The following CHN1 variants were observed in gnomAD, a reference collection of about 807,000 sequenced individuals.
The protein encoded by CHN1 is chimerin 1.
CHN1 carries 37 observed loss-of-function variants against 59.5 expected under a neutral mutation model. The observed-to-expected ratio is 0.62, with a 90% CI of 0.48 to 0.82. The LOEUF (loss-of-function observed/expected upper bound fraction) is 0.82, where lower values mean the gene tolerates loss of function less well. Among genes scored for constraint, CHN1 ranks in the 40% least tolerant of loss-of-function variants. The pLI is 0.00. For synonymous variants in CHN1, 206 were observed against 200.4 expected (o/e 1.03, Z -0.24); for missense variants, 469 against 571.0 (o/e 0.82, Z 1.82).
At chr2:174,866,242 C>T (rs1687212096) in intron 6 of CHN1, among the ~76,000 whole-genome samples, 1 of 152,114 alleles carries the variant, frequency 6.6e-6, no homozygotes, top group African/African-American at 2.4e-5. Context: ...TATGACCAAA[C>T]ACTTAGCATA....
intron 6 of CHN1, among the ~76,000 whole-genome samples, chr2:174,871,711 T>C (rs1202160458): frequency 6.6e-6 from 1 of 152,192 alleles, no homozygotes; most frequent in African/African-American, 2.4e-5. Context: ...TGTGATAATA[T>C]ACAGATGATA....
intron 1 of CHN1, among the ~76,000 whole-genome samples, chr2:174,970,280 C>T (rs751812516): frequency 2.0e-5 from 3 of 152,192 alleles, no homozygotes; most frequent in South Asian, 2.1e-4. Context: ...GTGAGCTGAA[C>T]TAGCTCCATT....
intron 5 of CHN1, among the ~76,000 whole-genome samples, chr2:174,887,796 T>C (rs1435531034): frequency 1.3e-5 from 2 of 152,210 alleles, no homozygotes; most frequent in African/African-American, 4.8e-5. Flanking sequence ...AATAGATTTC[T>C]GCAGTTTCCT....
chr2:174,851,609 A>G (rs1686732330), intron 6 of CHN1, among the ~76,000 whole-genome samples: 1 of 152,184 alleles, frequency 6.6e-6, no homozygotes. Context: ...ACAGATATCA[A>G]TTCTGTAGGT....
rs3771913 is a variant in CHN1, at chr2:174,911,804, C to G, written c.260+3254G>C. Among the ~76,000 whole-genome samples, 4 of 151,824 alleles carry G rather than the reference C, an allele frequency of 2.6e-5. 1 individual carries two copies. Among genetic ancestry groups the G allele is most frequent in the Admixed American group, 6.6e-5 (1 of 15,250 alleles). Reference sequence around the variant, plus strand: ...GAGAGATGCCAATGCATGAGGGAGGCGTGTTCTTTGAAACTCTGTGCCCTA... The same window carrying G: ...GAGAGATGCCAATGCATGAGGGAGGGGTGTTCTTTGAAACTCTGTGCCCTA... On this transcript the variant is annotated intron_variant, in intron 5 of 12. Coordinates refer to ENST00000409900, the MANE Select transcript of CHN1 (RefSeq NM_001822.7).
At chr2:174,843,163 GA>G (rs1364954821) in intron 7 of CHN1, among the ~76,000 whole-genome samples, 2 of 152,146 alleles carry the variant, frequency 1.3e-5, no homozygotes, top group Non-Finnish European at 1.5e-5. Flanking sequence ...AGTTTAATTT[GA>G]AAAGAGTAAA....
chr2:174,989,212 C>T lies in CHN1; in HGVS notation c.19+15682G>A, dbSNP rs534040856. Among the ~76,000 whole-genome samples, 568 of 151,870 alleles carry T rather than the reference C, an allele frequency of 3.7e-3. 4 individuals carry two copies. The highest frequency in any genetic ancestry group is 0.013 in the African/African-American group (545 of 41,414). On this transcript the variant is annotated intron_variant, in intron 1 of 12. Transcript: ENST00000409900. ...CCAACATGGTGAAACCCCGTCTCCACTAAAAATACAAAAATTAGCCAGGTG... is the reference window on the plus strand; with the variant it reads ...CCAACATGGTGAAACCCCGTCTCCATTAAAAATACAAAAATTAGCCAGGTG...
intron 11 of CHN1, among the ~76,000 whole-genome samples, chr2:174,802,362 T>C (rs561984224): frequency 6.6e-6 from 1 of 152,388 alleles, no homozygotes; most frequent in African/African-American, 2.4e-5. Context: ...GCTTGATTCA[T>C]TACACTGTTT....
intron 3 of CHN1, among the ~76,000 whole-genome samples, chr2:174,939,942 T>C (rs1322738996): frequency 1.3e-5 from 2 of 152,220 alleles, no homozygotes; most frequent in Non-Finnish European, 2.9e-5. Flanking sequence ...TTCAAAGCTA[T>C]ATTGTGTTTT....
At chr2:174,837,134 T>C (rs752337902) in intron 7 of CHN1, 2 of 152,310 alleles carry the variant, frequency 1.3e-5, no homozygotes, top group Middle Eastern at 6.8e-3. Flanking sequence ...AGTAAATATA[T>C]TCATGGTAAC....
intron 5 of CHN1, among the ~76,000 whole-genome samples, chr2:174,904,942 T>A (rs1375964951): frequency 1.3e-5 from 2 of 152,186 alleles, no homozygotes; most frequent in African/African-American, 4.8e-5. Flanking sequence ...CCAGTCACAC[T>A]GGGCCATGAT....
intron 3 of CHN1, among the ~76,000 whole-genome samples, chr2:174,942,635 T>G (rs945709214): frequency 6.6e-6 from 1 of 152,154 alleles, no homozygotes; most frequent in Non-Finnish European, 1.5e-5. Flanking sequence ...ACACAAAGAT[T>G]TGAGGTAATG....
At chr2:174,971,689 G>C (rs1690763571) in intron 1 of CHN1, among the ~76,000 whole-genome samples, 1 of 152,174 alleles carries the variant, frequency 6.6e-6, no homozygotes, top group African/African-American at 2.4e-5. Flanking sequence ...ACAAGTAATT[G>C]AGAGGGATCA....
At chr2:174,859,456 G>A (rs187782254) in intron 6 of CHN1, among the ~76,000 whole-genome samples, 43 of 152,180 alleles carry the variant, frequency 2.8e-4, no homozygotes, top group Non-Finnish European at 4.4e-4. Flanking sequence ...TGAGGTAACT[G>A]GTTTAATAAT....
At chr2:174,972,131 C>T (rs183106179) in intron 1 of CHN1, among the ~76,000 whole-genome samples, 3 of 152,282 alleles carry the variant, frequency 2.0e-5, no homozygotes, top group African/African-American at 7.2e-5. Context: ...GGTTCATTCA[C>T]GATGCTATTA....
intron 1 of CHN1, among the ~76,000 whole-genome samples, chr2:174,969,080 A>C (rs1199588317): frequency 6.6e-6 from 1 of 152,210 alleles, no homozygotes; most frequent in African/African-American, 2.4e-5. Context: ...ACCTTTCTAA[A>C]GTCTGAAAAA....
intron 1 of CHN1, among the ~76,000 whole-genome samples, chr2:174,983,723 G>C (rs1441187565): frequency 6.6e-6 from 1 of 152,158 alleles, no homozygotes; most frequent in African/African-American, 2.4e-5. Context: ...AGCTGCTCGG[G>C]AGGCTGAAGC....
At chr2:174,810,808 A>G (rs1184972690) in intron 10 of CHN1, 1 of 152,250 alleles carries the variant, frequency 6.6e-6, no homozygotes, top group East Asian at 1.9e-4. Flanking sequence ...CTTGCAAAGG[A>G]AAGTGGTTCT....
intron 3 of CHN1, among the ~76,000 whole-genome samples, chr2:174,939,062 A>G (rs1689583709): frequency 6.6e-6 from 1 of 152,196 alleles, no homozygotes; most frequent in South Asian, 2.1e-4. Flanking sequence ...CAATGCTTTC[A>G]TGCCTGCTTT....
Sources: allele counts gnomAD v4.1 joint callset (sites outside exome capture counted in the v4.1 genomes callset), GRCh38; gene constraint gnomAD v4.1.1; transcripts MANE v1.5; gene names NCBI Gene and HGNC (gene_info 2026-07-23, HGNC 2026-07-21).